SEPTIN10: variants seen among roughly 807,000 people sequenced by gnomAD.
SEPTIN10 encodes septin-10.
A neutral mutation model predicts 54.8 loss-of-function variants in SEPTIN10; 66 were observed. The observed-to-expected ratio is 1.21, with a 90% confidence interval of 0.99 to 1.48. The LOEUF is 1.48. Ranked by LOEUF, SEPTIN10 falls within the 40% of genes most tolerant of loss-of-function variation. The pLI is 0.00. For missense variants in SEPTIN10, 620 were observed against 545.6 expected (o/e 1.14, Z -1.36); for synonymous variants, 161 against 181.0 (o/e 0.89, Z 0.89).
chr2:109,601,988 G>A (rs1696696575), intron 1 of SEPTIN10, among the ~76,000 whole-genome samples: 1 of 152,176 alleles, frequency 6.6e-6, no homozygotes, highest in African/African-American at 2.4e-5. Flanking sequence ...CCCATGAATA[G>A]ACTAGTGAGG....
chr2:109,557,947 C>G (rs1214748980), intron 8 of SEPTIN10, among the ~76,000 whole-genome samples: 22 of 151,638 alleles, frequency 1.5e-4, no homozygotes. Flanking sequence ...AGCATGCCAC[C>G]ACAGCTGGTT....
At chr2:109,590,385 G>C (rs1693751872) in intron 2 of SEPTIN10, among the ~76,000 whole-genome samples, 1 of 151,900 alleles carries the variant, frequency 6.6e-6, no homozygotes, top group Admixed American at 6.6e-5. Flanking sequence ...CTTCGGAAGG[G>C]AGACTATCCT....
chr2:109,598,925 T>C (rs1296574258), intron 1 of SEPTIN10, among the ~76,000 whole-genome samples: 1 of 152,050 alleles, frequency 6.6e-6, no homozygotes, highest in Non-Finnish European at 1.5e-5. Flanking sequence ...GGGCCTATTT[T>C]ATGAGTTTCA....
intron 4 of SEPTIN10, among the ~76,000 whole-genome samples, chr2:109,584,197 C>T (rs1691889668): frequency 6.6e-6 from 1 of 152,068 alleles, no homozygotes; most frequent in South Asian, 2.1e-4. Context: ...GGAAATAAGA[C>T]TGGGCGCAGT....
Position 109,584,242 on chromosome 2 carries a change from C to T in SEPTIN10, c.413+884G>A, listed in dbSNP as rs533014711. ...CTGTAATCCTAGCACTTCGGGAGGC[C>T]GAGGTGGGTAGATCACCTGAGGTCA... On this transcript the variant is annotated intron_variant, in intron 4 of 10. Transcript: ENST00000397712. Among the ~76,000 whole-genome samples the T allele has an allele frequency of 1.2e-4, 18 of 152,110 alleles. No homozygotes were observed. The East Asian group carries it at 1.7e-3, about 15-fold the overall frequency.
At chr2:109,581,384 C>T (rs1464128187) in intron 4 of SEPTIN10, among the ~76,000 whole-genome samples, 1 of 151,908 alleles carries the variant, frequency 6.6e-6, no homozygotes, top group African/African-American at 2.4e-5. Flanking sequence ...TTGCAGTGAG[C>T]CGAGATTGCG....
At position 109,612,285 on chromosome 2, in the gene SEPTIN10, TTGTC is replaced by T. The variant is rs539445485; in HGVS notation, c.30+1509_30+1512del. 1.4e-3 allele frequency among the ~76,000 whole-genome samples: 212 copies of T among 152,194 alleles called. 1 individual carries two copies. Among genetic ancestry groups the T allele is most frequent in the African/African-American group, 4.8e-3 (200 of 41,526 alleles). On this transcript the variant is annotated intron_variant, in intron 1 of 10. Coordinates refer to ENST00000397712, the MANE Select transcript of SEPTIN10 (RefSeq NM_144710.5). ...TATAAGAATAAAAACGAATCACTGA[TTGTC>T]TGGGGTTAAGAAGGAGGCAGGGCAG...
chr2:109,599,635 A>C (rs1696174281), intron 1 of SEPTIN10, among the ~76,000 whole-genome samples: 1 of 151,940 alleles, frequency 6.6e-6, no homozygotes, highest in African/African-American at 2.4e-5. Flanking sequence ...ATACCATCAA[A>C]CTCCAACAAA....
chr2:109,601,849 C>CT (rs1446340100), intron 1 of SEPTIN10, among the ~76,000 whole-genome samples: 5 of 151,866 alleles, frequency 3.3e-5, no homozygotes, highest in Non-Finnish European at 7.4e-5. Context: ...CTTTCTAGCA[C>CT]TGTATGAGTC....
intron 5 of SEPTIN10, among the ~76,000 whole-genome samples, chr2:109,571,274 T>C (rs907407366): frequency 6.6e-6 from 1 of 152,226 alleles, no homozygotes; most frequent in Non-Finnish European, 1.5e-5. Flanking sequence ...TTTATAGCAA[T>C]GCGAGAACGG....
intron 1 of SEPTIN10, 145 bp from the exon 2 acceptor site, chr2:109,593,264 G>A (rs1178556174): frequency 6.3e-6 from 3 of 478,916 alleles, no homozygotes; most frequent in South Asian, 7.2e-5. Flanking sequence ...TTATTGAATC[G>A]TGTTTGAAAT....
chr2:109,598,788 G>A (rs1200615319), intron 1 of SEPTIN10, among the ~76,000 whole-genome samples: 3 of 152,028 alleles, frequency 2.0e-5, no homozygotes, highest in Admixed American at 6.6e-5. Flanking sequence ...CAGGAGGCAG[G>A]AGAACTGCTT....
intron 1 of SEPTIN10, among the ~76,000 whole-genome samples, chr2:109,603,159 C>T (rs1230513485): frequency 1.3e-5 from 2 of 152,090 alleles, no homozygotes; most frequent in African/African-American, 2.4e-5. Flanking sequence ...ACTTAGGAAT[C>T]AGTGTGAAGT....
intron 1 of SEPTIN10, among the ~76,000 whole-genome samples, chr2:109,603,149 A>G (rs1040946355): frequency 3.9e-5 from 6 of 152,084 alleles, no homozygotes; most frequent in Non-Finnish European, 7.4e-5. Flanking sequence ...AAAAAAGAAT[A>G]CTTAGGAATC....
intron 8 of SEPTIN10, among the ~76,000 whole-genome samples, chr2:109,557,286 A>G (rs79402997): frequency 0.034 from 5,173 of 152,302 alleles, 134 homozygotes; most frequent in Middle Eastern, 0.061. Flanking sequence ...CAAGGAAAAT[A>G]TATCTACCTG....
rs376756696 is a variant in SEPTIN10 at position 109,574,670 on chromosome 2, G to A, written c.511C>T (p.Arg171Cys). ...ATGAAGTAGAGACACACATGGATGC[G>A]AGAATCATGGTAGGTAAAGAGAGAA... ...KRSLFTYHDS[R>C]IHVCLYFISP... The change falls in exon 5 of 11, where the codon CGC (arginine) becomes TGC (cysteine). Residue 171 changes from arginine to cysteine, a missense_variant. Transcript: ENST00000397712. 7.5e-6 allele frequency: 12 copies of A among 1,609,894 alleles called. No individual in the cohort carries two copies. The highest frequency in any genetic ancestry group is 1.3e-5 in the African/African-American group (1 of 74,698).
chr2:109,570,540 T>TC (rs397728317), intron 5 of SEPTIN10, among the ~76,000 whole-genome samples: 3 of 151,094 alleles, frequency 2.0e-5, no homozygotes, highest in Admixed American at 6.6e-5. Context: ...TTTTTTTTTT[T>TC]CCAAGACGGA....
chr2:109,605,884 G>A (rs1328533766), intron 1 of SEPTIN10, among the ~76,000 whole-genome samples: 2 of 152,182 alleles, frequency 1.3e-5, no homozygotes, highest in Non-Finnish European at 2.9e-5. Flanking sequence ...AGAAGAGTTA[G>A]CATGACATCA....
intron 1 of SEPTIN10, among the ~76,000 whole-genome samples, chr2:109,602,527 T>C (rs1015334549): frequency 6.6e-6 from 1 of 151,730 alleles, no homozygotes; most frequent in Non-Finnish European, 1.5e-5. Context: ...AGTACAAAAT[T>C]AGCTGAGTGT....
Sources: gnomAD v4.1 joint callset for allele counts (sites outside exome capture counted in the v4.1 genomes callset) on GRCh38, gnomAD v4.1.1 for gene constraint, MANE v1.5 for transcripts, NCBI Gene and HGNC (gene_info 2026-07-23, HGNC 2026-07-21) for gene names.